DMD: variants seen among roughly 807,000 people sequenced by gnomAD.
DMD encodes the protein mutant dystrophin.
Under a neutral mutation model 330.1 loss-of-function variants are expected in DMD, and 63 were observed. That is an observed-to-expected ratio of 0.19 (90% CI 0.16 to 0.24). The LOEUF is 0.24. Among genes scored for constraint, DMD ranks in the 10% least tolerant of loss-of-function variants. The pLI is 1.00. For synonymous variants in DMD, 1,223 were observed against 959.8 expected, an observed-to-expected ratio of 1.27 and a Z score of -5.07; for missense variants, 3,344 against 2,684.1, an observed-to-expected ratio of 1.25 and a Z score of -5.43.
At chrX:32,464,410 G>A (rs895161851) in intron 24 of DMD, among the ~76,000 whole-genome samples, 176 bp downstream of exon 24, 5 of 109,850 alleles carry the variant, frequency 4.6e-5, no homozygotes, top group African/African-American at 1.7e-4. Context: ...TTAGACACCA[G>A]TAGCATCTAA....
chrX:32,019,394 G>C (rs185423864), intron 44 of DMD, among the ~76,000 whole-genome samples: 2 of 111,442 alleles, frequency 1.8e-5, no homozygotes, highest in Non-Finnish European at 3.8e-5. Context: ...TCAATAGATC[G>C]AACTGAATTT....
At chrX:31,929,877 A>G in intron 46 of DMD, 132 bp from the exon 47 acceptor site, 8 of 721,638 alleles carry the variant, frequency 1.1e-5, no homozygotes, top group Non-Finnish European at 6.3e-6. Flanking sequence ...CTCAAATACC[A>G]ACAGTTTTCT....
intron 12 of DMD, among the ~76,000 whole-genome samples, chrX:32,607,239 GCTT>G (rs1157098263): frequency 7.9e-4 from 87 of 110,114 alleles, no homozygotes; most frequent in African/African-American, 2.5e-3. Context: ...GTGAGGAAAT[GCTT>G]ATTTTCTTTC....
intron 18 of DMD, among the ~76,000 whole-genome samples, chrX:32,506,922 A>G (rs1003927873): frequency 1.8e-5 from 2 of 111,765 alleles, no homozygotes; most frequent in African/African-American, 3.2e-5. Context: ...AGTTAAAAGT[A>G]AGATCCTAGA....
intron 2 of DMD, among the ~76,000 whole-genome samples, chrX:32,999,143 G>A (rs5972727): frequency 3.6e-4 from 40 of 112,504 alleles, no homozygotes; most frequent in Middle Eastern, 4.6e-3. Flanking sequence ...AATTGATCGC[G>A]ATAGCAGTAG....
At chrX:32,951,229 C>T (rs1252532378) in intron 2 of DMD, among the ~76,000 whole-genome samples, 4 of 111,783 alleles carry the variant, frequency 3.6e-5, no homozygotes, top group African/African-American at 1.3e-4. Flanking sequence ...CAGCAGCCTT[C>T]CTTCAGGCCA....
chrX:32,684,396 C>A (rs114347282), intron 9 of DMD, among the ~76,000 whole-genome samples: 2,909 of 111,132 alleles, frequency 0.026, 102 homozygotes, highest in African/African-American at 0.089. Flanking sequence ...AAAATATTTA[C>A]CCTAAGTTTT....
At chrX:33,206,320 T>C (rs2051569057) in intron 1 of DMD, among the ~76,000 whole-genome samples, 1 of 111,615 alleles carries the variant, frequency 9.0e-6, no homozygotes, top group African/African-American at 3.3e-5. Flanking sequence ...AAATACTGAG[T>C]TAAAAATTCT....
chrX:31,127,253 T>C (rs17338325), intron 77 of DMD, among the ~76,000 whole-genome samples: 2,724 of 110,192 alleles, frequency 0.025, 75 homozygotes, highest in East Asian at 0.15. Context: ...GGGGAAGAGG[T>C]AAGTCCCAGT....
rs766201273 is a variant in DMD, at chrX:32,345,688, A to T, written c.5586+255T>A. Among the ~76,000 whole-genome samples the T allele has an allele frequency of 5.5e-4, 61 of 110,625 alleles. 1 individual carries two copies. The highest frequency in any genetic ancestry group is 4.6e-3 in the South Asian group (12 of 2,621). ...AGCACATTAGAAAATTAAATGTATA[A>T]GTACTATGAATGCATTCCCATCTTT... On this transcript the variant is annotated intron_variant, in intron 39 of 78. Coordinates refer to ENST00000357033, the MANE Select transcript of DMD (RefSeq NM_004006.3).
intron 7 of DMD, among the ~76,000 whole-genome samples, chrX:32,795,629 G>A (rs1408875166): frequency 8.9e-6 from 1 of 112,023 alleles, no homozygotes; most frequent in Non-Finnish European, 1.9e-5. Context: ...TGTAGAAAAT[G>A]AAAGAGCTTC....
At chrX:32,524,337 A>G (rs2046748971) in intron 17 of DMD, among the ~76,000 whole-genome samples, 1 of 111,855 alleles carries the variant, frequency 8.9e-6, no homozygotes, top group South Asian at 3.7e-4. Flanking sequence ...TTTCCCCTTC[A>G]TAAAGCATAT....
chrX:31,433,694 G>A (rs151231352), intron 60 of DMD, among the ~76,000 whole-genome samples: 1,381 of 110,737 alleles, frequency 0.012, 15 homozygotes, highest in African/African-American at 0.042. Context: ...CCTAACCTCA[G>A]GTGATCCACC....
At chrX:33,099,453 G>A (rs1442701097) in intron 1 of DMD, among the ~76,000 whole-genome samples, 2 of 110,981 alleles carry the variant, frequency 1.8e-5, no homozygotes, top group Non-Finnish European at 3.8e-5. Flanking sequence ...TTTGAATATT[G>A]TTTCTTATTG....
At chrX:31,363,937 C>G (rs941959181) in intron 60 of DMD, among the ~76,000 whole-genome samples, 1 of 112,084 alleles carries the variant, frequency 8.9e-6, no homozygotes, top group South Asian at 3.7e-4. Flanking sequence ...CTTTCACCCT[C>G]TACTTCATAT....
At chrX:31,616,627 T>C (rs1269214161) in intron 55 of DMD, among the ~76,000 whole-genome samples, 1 of 112,313 alleles carries the variant, frequency 8.9e-6, no homozygotes, top group African/African-American at 3.2e-5. Context: ...AATGGATATA[T>C]ACAAGTGAAT....
At chrX:32,675,537 A>T (rs2061910460) in intron 9 of DMD, among the ~76,000 whole-genome samples, 1 of 111,685 alleles carries the variant, frequency 9.0e-6, no homozygotes, top group Non-Finnish European at 1.9e-5. Context: ...TTGCTTATAT[A>T]TTCATCCACT....
intron 55 of DMD, among the ~76,000 whole-genome samples, chrX:31,619,697 A>G (rs1373166805): frequency 8.9e-6 from 1 of 112,122 alleles, no homozygotes; most frequent in Non-Finnish European, 1.9e-5. Context: ...ACAAAATCCA[A>G]TAGTTAATTT....
intron 9 of DMD, among the ~76,000 whole-genome samples, chrX:32,688,107 C>A (rs1435115515): frequency 1.8e-5 from 2 of 111,916 alleles, no homozygotes; most frequent in Non-Finnish European, 3.8e-5. Context: ...ATAAGCCGCC[C>A]TGACCTGCTT....
Sources: gnomAD v4.1 joint callset for allele counts (sites outside exome capture counted in the v4.1 genomes callset) on GRCh38, gnomAD v4.1.1 for gene constraint, MANE v1.5 for transcripts, NCBI Gene and HGNC (gene_info 2026-07-23, HGNC 2026-07-21) for gene names.